Variants in NUP107 observed in about 807,000 individuals in gnomAD.
NUP107 encodes nucleoporin 107.
NUP107 carries 101 observed loss-of-function variants against 141.0 expected under a neutral mutation model. The ratio of observed to expected loss-of-function variants is 0.72; its 90% CI spans 0.61 to 0.84. The LOEUF is 0.84. Among genes scored for constraint, NUP107 ranks in the 40% least tolerant of loss-of-function variants. The probability of loss-of-function intolerance (pLI) is 0.00; values close to 1 mark genes in which losing one functional copy is unlikely to be tolerated. For synonymous variants in NUP107, 319 were observed against 363.9 expected, an observed-to-expected ratio of 0.88 and a Z score of 1.41; for missense variants, 941 against 1,102.7, an observed-to-expected ratio of 0.85 and a Z score of 2.08.
chr12:68,738,277 A>G (rs1182611471), intron 26 of NUP107, among the ~76,000 whole-genome samples: 1 of 151,640 alleles, frequency 6.6e-6, no homozygotes, highest in African/African-American at 2.4e-5. Flanking sequence ...TCTGTCTCAA[A>G]AATAAAAATA....
rs748855802 is a variant in NUP107 at position 68,700,862 on chromosome 12, G to A, written c.680+9G>A. 3.3e-5 allele frequency: 51 copies of A among 1,565,838 alleles called. No homozygotes were observed. The highest frequency in any genetic ancestry group is 1.3e-4 in the Admixed American group (6 of 46,170). ...CTGGCTTCTTTGTATAGGTAATGGCGTCTAGAATTCATAAGTGAAATAAAC... is the reference window on the plus strand; with the variant it reads ...CTGGCTTCTTTGTATAGGTAATGGCATCTAGAATTCATAAGTGAAATAAAC... On this transcript the variant is annotated intron_variant, in intron 7 of 27. Coordinates refer to ENST00000229179, the MANE Select transcript of NUP107 (RefSeq NM_020401.4).
intron 18 of NUP107, 102 bp from the exon 19 acceptor site, chr12:68,726,397 A>G: frequency 1.4e-6 from 1 of 710,182 alleles, no homozygotes; most frequent in South Asian, 1.8e-5. Flanking sequence ...TGAGACAGTG[A>G]CTTGAAAGCA....
chr12:68,719,168 C>T (rs994410045), intron 12 of NUP107, among the ~76,000 whole-genome samples, 173 bp from the exon 13 acceptor site: 178 of 152,306 alleles, frequency 1.2e-3, no homozygotes, highest in African/African-American at 4.1e-3. Context: ...GGATTACAGG[C>T]GTGAGCCACC....
chr12:68,710,327 C>T (rs961565251), intron 10 of NUP107, among the ~76,000 whole-genome samples: 1 of 152,068 alleles, frequency 6.6e-6, no homozygotes, highest in Non-Finnish European at 1.5e-5. Context: ...GTGGGTTTCG[C>T]ATCCATGGAT....
intron 8 of NUP107, chr12:68,706,082 C>T: frequency 1.3e-6 from 1 of 776,950 alleles, no homozygotes; most frequent in Non-Finnish European, 2.3e-6. Flanking sequence ...CTTCTGCTGG[C>T]AGCTGTACAC....
At chr12:68,705,010 G>A (rs1876511466) in intron 8 of NUP107, among the ~76,000 whole-genome samples, 2 of 151,922 alleles carry the variant, frequency 1.3e-5, no homozygotes, top group Admixed American at 1.3e-4. Flanking sequence ...AGCCTCCCAA[G>A]TAGCGAGGAC....
rs1208302106 is a variant in NUP107 at position 68,696,927 on chromosome 12, G to C, written c.552+5G>C. On this transcript the variant is annotated splice_donor_5th_base_variant and intron_variant, in intron 6 of 27. Coordinates refer to ENST00000229179, the MANE Select transcript of NUP107 (RefSeq NM_020401.4). ...GAAAACATCTGTGGTAGTCAGGTAAGCTAATTTCACTCCGTCGTTAGTCAA... is the reference window on the plus strand; with the variant it reads ...GAAAACATCTGTGGTAGTCAGGTAACCTAATTTCACTCCGTCGTTAGTCAA... 6.5e-7 allele frequency: 1 copy of C among 1,549,910 alleles called. No homozygotes were observed. Among genetic ancestry groups the C allele is most frequent in the Non-Finnish European group, 8.8e-7 (1 of 1,131,362 alleles).
chr12:68,731,620 A>G lies in NUP107; in HGVS notation c.1899A>G (p.Ala633=). 2 of 1,558,736 alleles carry G rather than the reference A, an allele frequency of 1.3e-6. No individual in the cohort carries two copies. The highest frequency in any genetic ancestry group is 1.7e-6 in the Non-Finnish European group (2 of 1,161,496). ...AAAATTATTTAGATTTGGATGTTGC[A>G]ACAATAACAAAAACTGTAGTTGAGA... ...ELAKEADLDV[A]TITKTVVENI... Residue 633 remains alanine, a synonymous_variant, in exon 22 of 28, where the codon GCA becomes GCG. Coordinates refer to ENST00000229179, the MANE Select transcript of NUP107 (RefSeq NM_020401.4).
chr12:68,715,475 C>A lies in NUP107; in HGVS notation c.970-152C>A, dbSNP rs1469698374. On this transcript the variant is annotated intron_variant, in intron 11 of 27. Transcript: ENST00000229179. ...CGCCACTGCACTCCAGCCTGGGCGA[C>A]AGAACAAGACTCCGTCTCGGAAAAG... is the stretch of plus-strand genomic sequence containing the variant. 3 of 523,130 alleles carry A rather than the reference C, an allele frequency of 5.7e-6. No individual in the cohort carries two copies. The African/African-American group carries it at 5.8e-5, about 10-fold the overall frequency. 32.4% of individuals were successfully genotyped at this position (523,130 alleles called of 1,614,324 possible).
At chr12:68,706,928 A>G in intron 8 of NUP107, 1 of 702,044 alleles carries the variant, frequency 1.4e-6, no homozygotes, top group Admixed American at 2.0e-5. Flanking sequence ...CCCTGGCCTC[A>G]GCTACAGCCT....
At chr12:68,706,998 G>C (rs542736154) in intron 8 of NUP107, 1 of 626,818 alleles carries the variant, frequency 1.6e-6, no homozygotes, top group African/African-American at 1.8e-5. Context: ...AGCTCCACCA[G>C]GGCTGTGATT....
At chr12:68,731,326 C>T in intron 21 of NUP107, 66 bp downstream of exon 21, 1 of 1,443,714 alleles carries the variant, frequency 6.9e-7, no homozygotes, top group South Asian at 1.4e-5. Context: ...GCTGTAGTAA[C>T]ATTTGTCCTT....
chr12:68,709,252 T>C lies in NUP107; in HGVS notation c.744T>C (p.Ser248=), dbSNP rs761666039. 3.7e-6 allele frequency: 6 copies of C among 1,600,644 alleles called. No individual in the cohort carries two copies. In the South Asian group the frequency reaches 5.7e-5, roughly 15 times the overall value. Reference sequence around the variant, plus strand: ...TTTCATAATAGGCTGTTAATGCCAGTGAAAAAACAGTTGTGGAAGCGTTAT... The same window carrying C: ...TTTCATAATAGGCTGTTAATGCCAGCGAAAAAACAGTTGTGGAAGCGTTAT... ...SVFAVTAVNA[S]EKTVVEALFQ... Residue 248 remains serine, a synonymous_variant, in exon 9 of 28, where the codon AGT becomes AGC. Transcript: ENST00000229179.
intron 18 of NUP107, 55 bp from the exon 19 acceptor site, chr12:68,726,444 T>C: frequency 8.7e-7 from 1 of 1,153,594 alleles, no homozygotes; most frequent in Non-Finnish European, 1.3e-6. Context: ...GTAATGTTTA[T>C]TTTTTTCTTT....
At chr12:68,725,649 A>T in intron 17 of NUP107, 78 bp from the exon 18 acceptor site, 1 of 739,694 alleles carries the variant, frequency 1.4e-6, no homozygotes, top group Non-Finnish European at 2.3e-6. Context: ...AAAGTTTAAC[A>T]TTTTTAGTTT....
At chr12:68,709,182 T>C (rs1876728820) in intron 8 of NUP107, 56 bp from the exon 9 acceptor site, 1 of 1,151,024 alleles carries the variant, frequency 8.7e-7, no homozygotes, top group African/African-American at 1.5e-5. Context: ...AAAATAATAT[T>C]TCTTAACAGC....
intron 5 of NUP107, among the ~76,000 whole-genome samples, chr12:68,694,619 A>C (rs1025006927): frequency 1.3e-5 from 2 of 152,224 alleles, no homozygotes; most frequent in African/African-American, 4.8e-5. Context: ...GAATAGACAG[A>C]GGCTGGACGC....
At position 68,713,979 on chromosome 12, in the gene NUP107, A is replaced by G. The variant is rs1034116054; in HGVS notation, c.969+171A>G. ...GGAATCTGATGGAATATATTGAAACATATCCGTGACCTTTGAATTGTAAGT... is the reference window on the plus strand; with the variant it reads ...GGAATCTGATGGAATATATTGAAACGTATCCGTGACCTTTGAATTGTAAGT... On this transcript the variant is annotated intron_variant, in intron 11 of 27. Transcript: ENST00000229179. 28 of 570,464 alleles carry G rather than the reference A, an allele frequency of 4.9e-5. No individual in the cohort carries two copies. In the African/African-American group the frequency reaches 5.2e-4, roughly 11 times the overall value. 35.3% of individuals were successfully genotyped at this position (570,464 alleles called of 1,614,324 possible). A position where few individuals can be genotyped will look rare whatever the true frequency, so the allele number is the denominator to read the frequency against.
chr12:68,702,672 C>A, intron 7 of NUP107, 64 bp from the exon 8 acceptor site: 2 of 1,114,806 alleles, frequency 1.8e-6, no homozygotes, highest in Non-Finnish European at 2.6e-6. Context: ...CTCAGATGCT[C>A]AGTGGCAAGT....
Sources: allele counts gnomAD v4.1 joint callset (sites outside exome capture counted in the v4.1 genomes callset), GRCh38; gene constraint gnomAD v4.1.1; transcripts MANE v1.5; gene names NCBI Gene and HGNC (gene_info 2026-07-23, HGNC 2026-07-21).